TBC1D8: variants seen among roughly 807,000 people sequenced by gnomAD.
The protein encoded by TBC1D8 is TBC1 domain family member 8, also known as BUB2-like protein 1.
A neutral mutation model predicts 118.8 loss-of-function variants in TBC1D8; 65 were observed. The observed-to-expected ratio is 0.55, with a 90% CI of 0.45 to 0.67. The LOEUF is 0.67. Among genes scored for constraint, TBC1D8 ranks in the 30% least tolerant of loss-of-function variants. The probability of loss-of-function intolerance (pLI) is 0.00; values close to 1 mark genes in which losing one functional copy is unlikely to be tolerated. For synonymous variants in TBC1D8, 566 were observed against 595.8 expected (o/e 0.95, Z 0.73); for missense variants, 1,376 against 1,471.2 (o/e 0.94, Z 1.06).
chr2:101,033,419 G>C lies in TBC1D8; in HGVS notation c.1818+125C>G, dbSNP rs375588346. The C allele has an allele frequency of 3.5e-5, 40 of 1,146,834 alleles. No homozygotes were observed. In the Admixed American group the frequency reaches 6.3e-4, roughly 18 times the overall value. 71.0% of individuals were successfully genotyped at this position (1,146,834 alleles called of 1,614,324 possible). On this transcript the variant is annotated intron_variant, in intron 10 of 19. Coordinates refer to ENST00000409318, the MANE Select transcript of TBC1D8 (RefSeq NM_001330348.2). ...GATACTTTCTTTCCGGAAAGGGACC[G>C]AGTACAGCGCCTTCACACGACAACA...
intron 2 of TBC1D8, among the ~76,000 whole-genome samples, chr2:101,067,179 T>C (rs1282593693): frequency 6.6e-6 from 1 of 152,214 alleles, no homozygotes; most frequent in African/African-American, 2.4e-5. Context: ...TGCACCTTGC[T>C]AAATCTAAAC....
rs186316249 is a variant in TBC1D8 at position 101,102,132 on chromosome 2, T to C, written c.128-11768A>G. On this transcript the variant is annotated intron_variant, in intron 1 of 19. Transcript: ENST00000409318. ...AATGAATAGAAAACACTTACAAACATAGTAGATATTAATCCAACTACATCA... is the reference window on the plus strand; with the variant it reads ...AATGAATAGAAAACACTTACAAACACAGTAGATATTAATCCAACTACATCA... 3.9e-5 allele frequency among the ~76,000 whole-genome samples: 6 copies of C among 152,034 alleles called. No homozygotes were observed. The East Asian group carries it at 7.7e-4, about 20-fold the overall frequency.
chr2:101,037,475 C>G (rs1016754769), intron 8 of TBC1D8, 57 bp downstream of exon 8: 13 of 1,574,894 alleles, frequency 8.3e-6, no homozygotes, highest in Non-Finnish European at 1.1e-5. Flanking sequence ...GCTGGGCAAC[C>G]CCCCCAAGCC....
chr2:101,032,127 A>G, intron 11 of TBC1D8, 141 bp downstream of exon 11: 2 of 750,136 alleles, frequency 2.7e-6, no homozygotes, highest in South Asian at 3.6e-5. Flanking sequence ...AGTTTTGCAA[A>G]TTCAGGAGTC....
intron 17 of TBC1D8, chr2:101,018,883 T>A (rs1458803126): frequency 2.9e-6 from 4 of 1,375,422 alleles, no homozygotes; most frequent in African/African-American, 2.9e-5. Context: ...ATGGCCAATA[T>A]CCGTAGGTTT....
intron 2 of TBC1D8, among the ~76,000 whole-genome samples, chr2:101,081,764 G>T (rs1485596831): frequency 1.3e-5 from 2 of 152,326 alleles, no homozygotes; most frequent in East Asian, 3.9e-4. Flanking sequence ...TCAAAGTCCT[G>T]CAGTTCTTGC....
intron 2 of TBC1D8, among the ~76,000 whole-genome samples, chr2:101,061,146 C>G (rs909071852): frequency 1.4e-5 from 2 of 145,414 alleles, no homozygotes; most frequent in Non-Finnish European, 3.0e-5. Context: ...CGAGATCACG[C>G]CATTGCAATC....
chr2:101,101,342 A>G (rs1043373304), intron 1 of TBC1D8, among the ~76,000 whole-genome samples: 13 of 152,222 alleles, frequency 8.5e-5, no homozygotes, highest in Admixed American at 5.9e-4. Context: ...CAAAATCACA[A>G]TGAGATACCA....
intron 2 of TBC1D8, among the ~76,000 whole-genome samples, chr2:101,077,759 T>C (rs148831604): frequency 7.2e-5 from 11 of 152,252 alleles, no homozygotes; most frequent in Non-Finnish European, 1.3e-4. Context: ...CAAATGATAA[T>C]AGCCCTTCCC....
intron 17 of TBC1D8, among the ~76,000 whole-genome samples, chr2:101,015,590 CTTT>C (rs1180865395): frequency 1.3e-5 from 2 of 152,134 alleles, no homozygotes; most frequent in Non-Finnish European, 2.9e-5. Context: ...TCAAAAAAAT[CTTT>C]TTAACTTTTC....
At chr2:101,098,065 C>A (rs1676583693) in intron 1 of TBC1D8, among the ~76,000 whole-genome samples, 2 of 151,676 alleles carry the variant, frequency 1.3e-5, no homozygotes, top group African/African-American at 2.4e-5. Context: ...CCAGAGAAGG[C>A]AGAAAAAGAA....
chr2:101,084,229 T>C (rs1480515345), intron 2 of TBC1D8, among the ~76,000 whole-genome samples: 2 of 152,162 alleles, frequency 1.3e-5, no homozygotes, highest in East Asian at 3.9e-4. Flanking sequence ...GGCAGGCAAT[T>C]TGGCAATAAA....
At chr2:101,122,795 G>A (rs1249573016) in intron 1 of TBC1D8, among the ~76,000 whole-genome samples, 1 of 152,146 alleles carries the variant, frequency 6.6e-6, no homozygotes, top group African/African-American at 2.4e-5. Flanking sequence ...AGATCCGCTT[G>A]CGTTTTTCAA....
At chr2:101,138,502 AC>A (rs1441696002) in intron 1 of TBC1D8, among the ~76,000 whole-genome samples, 1 of 152,182 alleles carries the variant, frequency 6.6e-6, no homozygotes, top group East Asian at 1.9e-4. Flanking sequence ...GACGCCAGTC[AC>A]AAGCCCAAGG....
rs1190772812 is a variant in TBC1D8 at position 101,054,272 on chromosome 2, C to T, written c.467G>A (p.Arg156Gln). 5 of 1,594,864 alleles carry T rather than the reference C, an allele frequency of 3.1e-6. No homozygotes were observed. The highest frequency in any genetic ancestry group is 4.6e-5 in the East Asian group (2 of 43,952). Residue 156 changes from arginine (R) to glutamine (Q), a missense_variant, in exon 4 of 20, where the codon CGA becomes CAA. Coordinates refer to ENST00000409318, the MANE Select transcript of TBC1D8 (RefSeq NM_001330348.2). ...GGCCTCGAACTTCACCAGGGCTTCT[C>T]GGAATTTCTCGGGTTCCTCCTCCTG... is the stretch of plus-strand genomic sequence containing the variant. Reference protein sequence around the residue: ...AEQEEEPEKFREALVKFEARF... With the variant: ...AEQEEEPEKFQEALVKFEARF...
intron 1 of TBC1D8, among the ~76,000 whole-genome samples, chr2:101,112,096 C>T (rs1677625330): frequency 1.3e-5 from 2 of 152,166 alleles, no homozygotes; most frequent in Admixed American, 6.5e-5. Flanking sequence ...CCTCTAGCTG[C>T]TCCATAAATA....
intron 2 of TBC1D8, among the ~76,000 whole-genome samples, chr2:101,083,976 A>C (rs1465948692): frequency 6.6e-6 from 1 of 152,164 alleles, no homozygotes; most frequent in Admixed American, 6.5e-5. Flanking sequence ...CTCTTCCTTA[A>C]CCCAAGAAAA....
intron 1 of TBC1D8, among the ~76,000 whole-genome samples, chr2:101,096,784 TGA>T (rs931563252): frequency 1.0e-4 from 12 of 119,878 alleles, no homozygotes; most frequent in African/African-American, 3.2e-4. Context: ...AAAAGCAAAG[TGA>T]GAGAGAGGGG....
At chr2:101,099,168 T>G (rs762008579) in intron 1 of TBC1D8, among the ~76,000 whole-genome samples, 1 of 151,434 alleles carries the variant, frequency 6.6e-6, no homozygotes, top group African/African-American at 2.4e-5. Context: ...TAAAAAATGA[T>G]AAAGGGGATA....
Sources: allele counts gnomAD v4.1 joint callset (sites outside exome capture counted in the v4.1 genomes callset), GRCh38; gene constraint gnomAD v4.1.1; transcripts MANE v1.5; gene names NCBI Gene and HGNC (gene_info 2026-07-23, HGNC 2026-07-21).